The following CEP78 variants were observed in gnomAD, a reference collection of about 807,000 sequenced individuals.
The protein encoded by CEP78 is centrosomal protein of 78 kDa.
A neutral mutation model predicts 81.2 loss-of-function variants in CEP78; 76 were observed. That is an observed-to-expected ratio of 0.94 (90% CI 0.78 to 1.13). The LOEUF (loss-of-function observed/expected upper bound fraction) is 1.13. Among genes scored for constraint, CEP78 ranks in the 50% most tolerant of loss-of-function variants. The pLI is 0.00. For missense variants in CEP78, 918 were observed against 846.8 expected (o/e 1.08, Z -1.04); for synonymous variants, 293 against 301.4 (o/e 0.97, Z 0.29).
intron 8 of CEP78, chr9:78,250,476 C>A (rs905333064): frequency 3.3e-6 from 1 of 299,950 alleles, no homozygotes; most frequent in Non-Finnish European, 6.0e-6. Flanking sequence ...CGGTGGCTCA[C>A]GCCTGTAATC....
rs1162727702 is a variant in CEP78, at chr9:78,277,063, A to G, written c.*6212A>G. The G allele has an allele frequency of 6.6e-6, 1 of 152,174 alleles. No individual in the cohort carries two copies. The highest frequency in any genetic ancestry group is 6.5e-5 in the Admixed American group (1 of 15,276). The allele number at this position is 152,174 out of a possible 1,614,324, so 9.4% of individuals were successfully genotyped here. On this transcript the variant is annotated 3_prime_UTR_variant, in exon 17 of 17. Transcript: ENST00000643273. ...ATGTATATATATATGTATTTAAAAA[A>G]TGGCATCACAAGTCAGTAGAGAAGG...
intron 11 of CEP78, 87 bp downstream of exon 11, chr9:78,255,051 G>A: frequency 3.7e-6 from 4 of 1,082,976 alleles, no homozygotes; most frequent in South Asian, 3.1e-5. Context: ...GAACTGGACA[G>A]CTTGCATGGG....
intron 12 of CEP78, 114 bp from the exon 13 acceptor site, chr9:78,264,032 GAGTT>G: frequency 1.5e-6 from 1 of 684,924 alleles, no homozygotes; most frequent in Non-Finnish European, 2.2e-6. Flanking sequence ...TACTGGTAGA[GAGTT>G]AGATTAACTG....
At chr9:78,264,399 T>G in intron 13 of CEP78, 83 bp downstream of exon 13, 1 of 1,083,722 alleles carries the variant, frequency 9.2e-7, no homozygotes, top group Non-Finnish European at 1.4e-6. Context: ...TTTTTATAGC[T>G]TTCTGAAGTC....
At chr9:78,243,195 T>C (rs190873451) in intron 4 of CEP78, among the ~76,000 whole-genome samples, 5 of 152,314 alleles carry the variant, frequency 3.3e-5, no homozygotes, top group Admixed American at 3.3e-4. Flanking sequence ...TTCTTAGAAG[T>C]TAACTAAGTT....
intron 1 of CEP78, among the ~76,000 whole-genome samples, chr9:78,238,959 A>G (rs1034572728): frequency 2.6e-5 from 4 of 152,020 alleles, no homozygotes; most frequent in Non-Finnish European, 4.4e-5. Context: ...ACTGTACTCC[A>G]GCCTGGGTGA....
rs1221969870 is a variant in CEP78 at position 78,268,680 on chromosome 9, C to CTTTTTT, written c.2107+1992_2107+1997dup. Among the ~76,000 whole-genome samples the CTTTTTT allele has an allele frequency of 4.4e-4, 58 of 130,668 alleles. 1 individual carries two copies. The highest frequency in any genetic ancestry group is 1.1e-3 in the East Asian group (5 of 4,554). 85.7% of individuals were successfully genotyped at this position (130,668 alleles called of 152,430 possible). On this transcript the variant is annotated intron_variant, in intron 16 of 16. Coordinates refer to ENST00000643273, the MANE Select transcript of CEP78 (RefSeq NM_001330691.3). Reference sequence around the variant, plus strand: ...AAATAGAATTAAGCAGGTTTCTTTTCTTTTTTTTTTTTTTTTTTTTGAGAT... The same window carrying CTTTTTT: ...AAATAGAATTAAGCAGGTTTCTTTTCTTTTTTTTTTTTTTTTTTTTTTTTTTGAGAT...
At chr9:78,267,070 A>G (rs1350392233) in intron 16 of CEP78, 3 of 1,080,626 alleles carry the variant, frequency 2.8e-6, no homozygotes, top group Non-Finnish European at 3.7e-6. Flanking sequence ...TGTTTTTATT[A>G]TGGCATATGG....
intron 11 of CEP78, 121 bp downstream of exon 11, chr9:78,255,085 A>T (rs180692717): frequency 2.9e-6 from 2 of 680,520 alleles, no homozygotes; most frequent in East Asian, 6.4e-5. Flanking sequence ...CCTTCCTTCT[A>T]TCTCATATCC....
Position 78,236,114 on chromosome 9 carries a change from G to A in CEP78, c.-237G>A. 1.9e-6 allele frequency: 1 copy of A among 530,300 alleles called. No individual in the cohort carries two copies. The highest frequency in any genetic ancestry group is 2.3e-5 in the South Asian group (1 of 43,926). 32.8% of individuals were successfully genotyped at this position (530,300 alleles called of 1,614,324 possible). A position where few individuals can be genotyped will look rare whatever the true frequency, so the allele number is the denominator to read the frequency against. ...CGCCTCAGAGGACTATGAGGCGGGC[G>A]CCAACTGCTTGGGCCGCAGGGCGGG... On this transcript the variant is annotated 5_prime_UTR_variant, in exon 1 of 17. Transcript: ENST00000643273.
At chr9:78,260,926 C>A (rs1017728433) in intron 11 of CEP78, among the ~76,000 whole-genome samples, 4 of 151,920 alleles carry the variant, frequency 2.6e-5, no homozygotes, top group Non-Finnish European at 4.4e-5. Context: ...TCCTTATGAA[C>A]TTTTGCGTTG....
chr9:78,263,640 C>T (rs1293790043), intron 12 of CEP78, among the ~76,000 whole-genome samples: 3 of 152,018 alleles, frequency 2.0e-5, no homozygotes, highest in African/African-American at 7.2e-5. Flanking sequence ...TAGAGTTAGA[C>T]TTATGTGTAG....
chr9:78,268,699 T>C (rs1266822581), intron 16 of CEP78, among the ~76,000 whole-genome samples: 3 of 150,614 alleles, frequency 2.0e-5, no homozygotes, highest in Admixed American at 2.0e-4. Flanking sequence ...TTTTTTTTTT[T>C]TGAGATGGAG....
At chr9:78,268,549 C>T (rs750873697) in intron 16 of CEP78, among the ~76,000 whole-genome samples, 3 of 152,164 alleles carry the variant, frequency 2.0e-5, no homozygotes, top group African/African-American at 4.8e-5. Flanking sequence ...CAGTTTTCCA[C>T]ACTTTTCTGA....
Position 78,252,027 on chromosome 9 carries a change from C to A in CEP78, c.1189C>A (p.Arg397Ser), listed in dbSNP as rs758518878. ...SGFLPWRTAE[R>S]AKRHRGFPLI... ...TTTCTTGCCGTGGCGTACTGCAGAA[C>A]GTGCAAAAAGACACAGGTAGGGTAT... The change falls in exon 9 of 17, where the codon CGT (arginine) becomes AGT (serine). Residue 397 changes from arginine to serine, a missense_variant. By Grantham distance (110) the Arg-to-Ser change is moderately radical. Coordinates refer to ENST00000643273, the MANE Select transcript of CEP78 (RefSeq NM_001330691.3). 6.3e-7 allele frequency: 1 copy of A among 1,592,850 alleles called. No individual in the cohort carries two copies. The highest frequency in any genetic ancestry group is 2.2e-5 in the East Asian group (1 of 44,770).
intron 11 of CEP78, among the ~76,000 whole-genome samples, chr9:78,259,873 C>T (rs1411114908): frequency 6.6e-6 from 1 of 152,180 alleles, no homozygotes; most frequent in Non-Finnish European, 1.5e-5. Flanking sequence ...TTAAGGAAGA[C>T]AGTGCACATT....
At chr9:78,259,321 G>A (rs1321177851) in intron 11 of CEP78, among the ~76,000 whole-genome samples, 2 of 152,094 alleles carry the variant, frequency 1.3e-5, no homozygotes, top group Admixed American at 1.3e-4. Context: ...AAATGAGGAC[G>A]GTGTTTAATT....
intron 4 of CEP78, among the ~76,000 whole-genome samples, chr9:78,242,042 T>C (rs928730650): frequency 6.6e-6 from 1 of 152,214 alleles, no homozygotes; most frequent in Non-Finnish European, 1.5e-5. Flanking sequence ...ATACAGTTTG[T>C]AAAACAGTAA....
Position 78,248,339 on chromosome 9 carries a change from G to A in CEP78, c.941G>A (p.Arg314Lys). Reference sequence around the variant, plus strand: ...ATCAAAAAAGTCCTCCAGAATGGAAGGAGTGCCAAATCAGAGGTATATCAT... The same window carrying A: ...ATCAAAAAAGTCCTCCAGAATGGAAAGAGTGCCAAATCAGAGGTATATCAT... ...AVIKKVLQNGRSAKSEYQWIT... is the reference protein window; with the variant it reads ...AVIKKVLQNGKSAKSEYQWIT... The change falls in exon 7 of 17, where the codon AGG (arginine) becomes AAG (lysine). Residue 314 changes from arginine to lysine, a missense_variant. Coordinates refer to ENST00000643273, the MANE Select transcript of CEP78 (RefSeq NM_001330691.3). 3 of 1,577,610 alleles carry A rather than the reference G, an allele frequency of 1.9e-6. No homozygotes were observed. Among genetic ancestry groups the A allele is most frequent in the Non-Finnish European group, 2.6e-6 (3 of 1,146,876 alleles).
Sources: allele counts gnomAD v4.1 joint callset (sites outside exome capture counted in the v4.1 genomes callset), GRCh38; gene constraint gnomAD v4.1.1; transcripts MANE v1.5; gene names NCBI Gene and HGNC (gene_info 2026-07-23, HGNC 2026-07-21).